Variants in SUGCT observed in about 807,000 individuals in gnomAD.
SUGCT encodes the protein succinyl-CoA:glutarate CoA-transferase.
Under a neutral mutation model 55.0 loss-of-function variants are expected in SUGCT, and 41 were observed. That is an observed-to-expected ratio of 0.74 (90% CI 0.58 to 0.97). The LOEUF (loss-of-function observed/expected upper bound fraction) is 0.97, where lower values mean the gene tolerates loss of function less well. SUGCT is among the 50% of genes least tolerant of loss of function. The probability of loss-of-function intolerance (pLI) is 0.00; values close to 1 mark genes in which losing one functional copy is unlikely to be tolerated. For synonymous variants in SUGCT, 187 were observed against 200.4 expected, an observed-to-expected ratio of 0.93 and a Z score of 0.56; for missense variants, 568 against 547.8, an observed-to-expected ratio of 1.04 and a Z score of -0.37.
Position 40,296,238 on chromosome 7 carries a change from CT to C in SUGCT, c.721-20515del, listed in dbSNP as rs1348463179. Reference sequence around the variant, plus strand: ...ATAGGTTATTACTTATGCTAGTTTCCTTTTTTTATGTGAAAATTCTGAATTG... The same window carrying C: ...ATAGGTTATTACTTATGCTAGTTTCCTTTTTTATGTGAAAATTCTGAATTG... On this transcript the variant is annotated intron_variant, in intron 8 of 13. Transcript: ENST00000335693. 3.3e-5 allele frequency among the ~76,000 whole-genome samples: 5 copies of C among 152,178 alleles called. No individual in the cohort carries two copies. The South Asian group carries it at 6.2e-4, about 19-fold the overall frequency.
At chr7:40,970,463 C>T in the SUGCT span, among the ~76,000 whole-genome samples, 1 of 152,198 alleles carries the variant, frequency 6.6e-6, no homozygotes, top group African/African-American at 2.4e-5. Context: ...TGAGCCACTG[C>T]ACCTGGCCAG....
At chr7:40,485,383 A>G (rs1791273904) in intron 11 of SUGCT, among the ~76,000 whole-genome samples, 1 of 149,100 alleles carries the variant, frequency 6.7e-6, no homozygotes, top group Non-Finnish European at 1.5e-5. Context: ...CTATATATCT[A>G]GATAATATAG....
chr7:40,480,746 A>G (rs1280510996), intron 11 of SUGCT, among the ~76,000 whole-genome samples: 3 of 151,256 alleles, frequency 2.0e-5, no homozygotes, highest in East Asian at 1.9e-4. Context: ...TTTTTTCCCT[A>G]TTGTTTAATT....
At chr7:40,358,322 A>G (rs769464778) in intron 9 of SUGCT, among the ~76,000 whole-genome samples, 10 of 152,210 alleles carry the variant, frequency 6.6e-5, no homozygotes, top group Non-Finnish European at 1.5e-4. Flanking sequence ...AGAGCATATT[A>G]TTTTGCGTAA....
intron 13 of SUGCT, among the ~76,000 whole-genome samples, chr7:40,776,062 C>T (rs1789433655): frequency 6.6e-6 from 1 of 152,190 alleles, no homozygotes; most frequent in Non-Finnish European, 1.5e-5. Flanking sequence ...CCTGCTGAGC[C>T]ATATTGCAGT....
chr7:40,449,345 C>G lies in SUGCT; in HGVS notation c.875C>G (p.Ala292Gly), dbSNP rs930000846. 3.1e-6 allele frequency: 5 copies of G among 1,610,134 alleles called. No individual in the cohort carries two copies. The African/African-American group carries it at 6.7e-5, about 22-fold the overall frequency. ...VVGAGNNQQF[A>G]TVCKILDLPE... Reference sequence around the variant, plus strand: ...GGAGCAGGAAATAACCAGCAGTTTGCCACCGTCTGCAAGGTAATCTATAAT... The same window carrying G: ...GGAGCAGGAAATAACCAGCAGTTTGGCACCGTCTGCAAGGTAATCTATAAT... The change falls in exon 10 of 14, where the codon GCC (alanine) becomes GGC (glycine). Residue 292 changes from alanine to glycine, a missense_variant. By Grantham distance (60) the Ala-to-Gly change is moderately conservative. Coordinates refer to ENST00000335693, the MANE Select transcript of SUGCT (RefSeq NM_001193313.2).
In SUGCT at chr7:40,423,651, A is replaced by T. The variant is rs543150689; in HGVS notation, c.817-25636A>T. Among the ~76,000 whole-genome samples, 6 of 152,256 alleles carry T rather than the reference A, an allele frequency of 3.9e-5. No homozygotes were observed. In the South Asian group the frequency reaches 1.2e-3, roughly 32 times the overall value. ...AAAAAAAAGTAGCTTAAATGGAAAC[A>T]TTGACATAAACCTCATTACACTGGC... is the stretch of plus-strand genomic sequence containing the variant. On this transcript the variant is annotated intron_variant, in intron 9 of 13. Transcript: ENST00000335693.
intron 12 of SUGCT, among the ~76,000 whole-genome samples, chr7:40,653,552 G>A (rs4492257): frequency 0.042 from 6,386 of 152,092 alleles, 442 homozygotes; most frequent in African/African-American, 0.15. Flanking sequence ...TGGACATTCC[G>A]ACGTGTATTT....
chr7:40,570,833 G>A (rs1454783245), intron 12 of SUGCT, among the ~76,000 whole-genome samples: 1 of 144,698 alleles, frequency 6.9e-6, no homozygotes, highest in African/African-American at 2.8e-5. Context: ...CTCCCCTCTG[G>A]GCAAAAGCTT....
At chr7:40,917,907 T>A in the SUGCT span, among the ~76,000 whole-genome samples, 2 of 152,146 alleles carry the variant, frequency 1.3e-5, no homozygotes, top group Non-Finnish European at 2.9e-5. Context: ...CATCTCTTAA[T>A]ACCATCACAT....
chr7:40,194,789 A>G (rs1317145678), intron 5 of SUGCT, 151 bp from the exon 6 acceptor site: 1 of 896,314 alleles, frequency 1.1e-6, no homozygotes, highest in Non-Finnish European at 1.6e-6. Context: ...TAAGTAGTTG[A>G]CTAGAACTTC....
intron 12 of SUGCT, among the ~76,000 whole-genome samples, chr7:40,656,578 G>A (rs1388411538): frequency 6.6e-6 from 1 of 152,068 alleles, no homozygotes. Context: ...ACAATAATTG[G>A]TTAGTGTTTT....
At chr7:40,403,405 T>G (rs1786189207) in intron 9 of SUGCT, among the ~76,000 whole-genome samples, 1 of 152,190 alleles carries the variant, frequency 6.6e-6, no homozygotes, top group South Asian at 2.1e-4. Context: ...ACAATTTATC[T>G]CACTGTATTA....
intron 6 of SUGCT, among the ~76,000 whole-genome samples, chr7:40,201,690 A>G (rs1740035805): frequency 6.6e-6 from 1 of 152,228 alleles, no homozygotes; most frequent in East Asian, 1.9e-4. Flanking sequence ...CAGCCCTTGG[A>G]GCTAAGGACT....
chr7:40,546,423 T>C (rs1356179705), intron 12 of SUGCT, among the ~76,000 whole-genome samples: 1 of 152,182 alleles, frequency 6.6e-6, no homozygotes, highest in East Asian at 1.9e-4. Context: ...GTTAATAAAG[T>C]AATTGATATT....
intron 9 of SUGCT, among the ~76,000 whole-genome samples, chr7:40,337,902 A>G (rs1048078616): frequency 2.6e-5 from 4 of 151,862 alleles, no homozygotes; most frequent in Non-Finnish European, 5.9e-5. Flanking sequence ...GTTCCTTTCC[A>G]TGTTTAGTGC....
chr7:40,729,996 C>A (rs1004736080), intron 12 of SUGCT, among the ~76,000 whole-genome samples: 1 of 152,134 alleles, frequency 6.6e-6, no homozygotes, highest in African/African-American at 2.4e-5. Context: ...AAAATATAAA[C>A]GGTGCCCTTG....
At chr7:40,148,843 A>T (rs1177578959) in intron 1 of SUGCT, among the ~76,000 whole-genome samples, 1 of 152,168 alleles carries the variant, frequency 6.6e-6, no homozygotes, top group Non-Finnish European at 1.5e-5. Flanking sequence ...ATGGATGCGG[A>T]TGGAGATTAA....
intron 12 of SUGCT, among the ~76,000 whole-genome samples, chr7:40,630,004 G>A (rs960114683): frequency 6.6e-6 from 1 of 152,112 alleles, no homozygotes; most frequent in African/African-American, 2.4e-5. Context: ...CGGTTTTGGG[G>A]ATTACCAGCC....
Sources: allele counts gnomAD v4.1 joint callset (sites outside exome capture counted in the v4.1 genomes callset), GRCh38; gene constraint gnomAD v4.1.1; transcripts MANE v1.5; gene names NCBI Gene and HGNC (gene_info 2026-07-23, HGNC 2026-07-21).